Variants in KANK1 observed in about 807,000 individuals in gnomAD.
The protein encoded by KANK1 is KN motif and ankyrin repeat domain-containing protein 1.
In KANK1, 109 loss-of-function variants were observed where a neutral mutation model predicts 106.2. The observed-to-expected ratio is 1.03, with a 90% confidence interval of 0.88 to 1.20. The LOEUF (loss-of-function observed/expected upper bound fraction) is 1.20, where lower values mean the gene tolerates loss of function less well. Ranked by LOEUF, KANK1 falls within the 50% of genes most tolerant of loss-of-function variation. The pLI, the probability that KANK1 is intolerant of heterozygous loss-of-function variation, is 0.00. For missense variants in KANK1, 2,399 were observed against 1,710.7 expected, an observed-to-expected ratio of 1.40 and a Z score of -7.10; for synonymous variants, 873 against 652.2, an observed-to-expected ratio of 1.34 and a Z score of -5.16.
intron 1 of KANK1, among the ~76,000 whole-genome samples, chr9:525,529 G>T (rs549594993): frequency 1.3e-5 from 2 of 151,202 alleles, no homozygotes; most frequent in Non-Finnish European, 2.9e-5. Flanking sequence ...GCTGGGATGC[G>T]CCGCCATGCC....
At chr9:493,973 C>T (rs1384334655) in intron 3 of KANK1, among the ~76,000 whole-genome samples, 1 of 151,982 alleles carries the variant, frequency 6.6e-6, no homozygotes. Flanking sequence ...ACTTACACCT[C>T]CCGGGTTCAA....
chr9:737,402 T>A (rs949870276), intron 7 of KANK1, among the ~76,000 whole-genome samples: 4 of 152,196 alleles, frequency 2.6e-5, no homozygotes, highest in Non-Finnish European at 4.4e-5. Flanking sequence ...TTTGATATAT[T>A]TTTAAACTTT....
At chr9:633,645 T>A (rs191735350) in intron 1 of KANK1, among the ~76,000 whole-genome samples, 3 of 152,268 alleles carry the variant, frequency 2.0e-5, no homozygotes, top group African/African-American at 7.2e-5. Flanking sequence ...GCTTACTGTT[T>A]AAATATGTTT....
chr9:485,869 CAAAA>C (rs58910749), intron 3 of KANK1, among the ~76,000 whole-genome samples: 5 of 98,282 alleles, frequency 5.1e-5, no homozygotes, highest in East Asian at 5.1e-4. Context: ...AGAATTGTCT[CAAAA>C]AAAAAAAAAA....
chr9:496,280 G>A (rs1057414834), intron 3 of KANK1, among the ~76,000 whole-genome samples: 8 of 152,202 alleles, frequency 5.3e-5, no homozygotes, highest in Non-Finnish European at 1.0e-4. Flanking sequence ...TTGGCCAAGT[G>A]CAATGACTCA....
chr9:564,413 A>G (rs916170093), intron 1 of KANK1, among the ~76,000 whole-genome samples: 1 of 152,120 alleles, frequency 6.6e-6, no homozygotes, highest in Non-Finnish European at 1.5e-5. Context: ...TTCTCACCAG[A>G]CACCCTTATA....
chr9:637,043 C>T (rs899572389), intron 1 of KANK1, among the ~76,000 whole-genome samples: 4 of 152,140 alleles, frequency 2.6e-5, no homozygotes, highest in Admixed American at 1.3e-4. Flanking sequence ...TTGATTTCAT[C>T]CAGTTATGTG....
intron 3 of KANK1, among the ~76,000 whole-genome samples, chr9:728,830 A>G (rs995192384): frequency 2.0e-5 from 3 of 152,186 alleles, no homozygotes; most frequent in Non-Finnish European, 4.4e-5. Flanking sequence ...ACCATTTGCC[A>G]ATCAGAGTAT....
chr9:515,253 G>T (rs1276673299), intron 1 of KANK1, among the ~76,000 whole-genome samples: 2 of 151,108 alleles, frequency 1.3e-5, no homozygotes, highest in Non-Finnish European at 2.9e-5. Context: ...GCTGAGGCAG[G>T]AGAATGGCGT....
intron 1 of KANK1, among the ~76,000 whole-genome samples, chr9:521,392 T>C (rs1479672963): frequency 6.6e-6 from 1 of 151,486 alleles, no homozygotes; most frequent in Non-Finnish European, 1.5e-5. Context: ...TTTTAAAAAG[T>C]AGGTGCACCA....
chr9:637,105 A>G (rs991319460), intron 1 of KANK1, among the ~76,000 whole-genome samples: 1 of 151,578 alleles, frequency 6.6e-6, no homozygotes, highest in Non-Finnish European at 1.5e-5. Context: ...TCCTCCAACA[A>G]CTCCTTAATT....
chr9:529,402 T>C (rs2133461192), intron 1 of KANK1, among the ~76,000 whole-genome samples: 1 of 152,060 alleles, frequency 6.6e-6, no homozygotes, highest in East Asian at 1.9e-4. Context: ...GCTTTCACCA[T>C]GTTGGCCAGG....
intron 1 of KANK1, among the ~76,000 whole-genome samples, chr9:556,328 A>G (rs888766156): frequency 6.6e-6 from 1 of 152,178 alleles, no homozygotes; most frequent in East Asian, 1.9e-4. Flanking sequence ...TTAGAAGTTC[A>G]ATGTGAGTTT....
intron 1 of KANK1, among the ~76,000 whole-genome samples, chr9:528,891 C>G (rs1261661580): frequency 1.3e-5 from 2 of 152,116 alleles, no homozygotes; most frequent in East Asian, 3.8e-4. Flanking sequence ...CCTTGACCTC[C>G]TGGGCTTAAG....
At chr9:533,648 G>A (rs1357826267) in intron 1 of KANK1, among the ~76,000 whole-genome samples, 1 of 152,212 alleles carries the variant, frequency 6.6e-6, no homozygotes, top group Non-Finnish European at 1.5e-5. Context: ...GTGCTGCTGG[G>A]TGAGAAGCCA....
upstream of KANK1, among the ~76,000 whole-genome samples, chr9:500,836 C>G (rs912604887): frequency 6.6e-6 from 1 of 152,110 alleles, no homozygotes; most frequent in Non-Finnish European, 1.5e-5. Flanking sequence ...CAGATGAGGC[C>G]CTCACAAAAT....
chr9:492,284 T>C (rs992412194), intron 3 of KANK1: 1 of 152,262 alleles, frequency 6.6e-6, no homozygotes, highest in African/African-American at 2.4e-5. Context: ...AGAATGATAG[T>C]ACTTAACTTG....
At chr9:642,044 A>G (rs1417634455) in intron 1 of KANK1, among the ~76,000 whole-genome samples, 1 of 152,172 alleles carries the variant, frequency 6.6e-6, no homozygotes, top group Non-Finnish European at 1.5e-5. Context: ...TTCTGTGTCC[A>G]TGGGTATATT....
intron 2 of KANK1, among the ~76,000 whole-genome samples, chr9:472,656 G>A (rs1445329232): frequency 6.6e-6 from 1 of 152,200 alleles, no homozygotes; most frequent in Non-Finnish European, 1.5e-5. Flanking sequence ...CCCTGAGCTA[G>A]TATAGAAAGA....
Sources: gnomAD v4.1 joint callset for allele counts (sites outside exome capture counted in the v4.1 genomes callset) on GRCh38, gnomAD v4.1.1 for gene constraint, MANE v1.5 for transcripts, NCBI Gene and HGNC (gene_info 2026-07-23, HGNC 2026-07-21) for gene names.